The following SMYD3 variants were observed in gnomAD, a reference collection of about 807,000 sequenced individuals.
SMYD3 encodes SET and MYND domain containing 3.
Under a neutral mutation model 57.7 loss-of-function variants are expected in SMYD3, and 36 were observed. The observed-to-expected ratio is 0.62, with a 90% CI of 0.48 to 0.82. SMYD3 has a LOEUF of 0.82. Ranked by LOEUF, SMYD3 falls within the 40% of genes least tolerant of loss-of-function variation. SMYD3 has a pLI of 0.00. For missense variants in SMYD3, 515 were observed against 538.8 expected, an observed-to-expected ratio of 0.96 and a Z score of 0.44; for synonymous variants, 211 against 195.0, an observed-to-expected ratio of 1.08 and a Z score of -0.68.
chr1:246,083,512 C>CACGGGTCCTCCGTATGCTGA (rs2060676541), intron 5 of SMYD3, among the ~76,000 whole-genome samples: 1 of 150,122 alleles, frequency 6.7e-6, no homozygotes, highest in African/African-American at 2.5e-5. Context: ...CTGGTGCCGG[C>CACGGGTCCTCCGTATGCTGA]GCGGGTCCCC....
intron 1 of SMYD3, among the ~76,000 whole-genome samples, chr1:246,372,398 CAG>C (rs1199991902): frequency 2.6e-5 from 4 of 152,136 alleles, no homozygotes; most frequent in Non-Finnish European, 5.9e-5. Flanking sequence ...CTGTAGCAGC[CAG>C]AGAGTTTAAG....
intron 5 of SMYD3, among the ~76,000 whole-genome samples, chr1:246,233,342 G>A (rs77077203): frequency 0.024 from 1,711 of 71,200 alleles, 205 homozygotes; most frequent in African/African-American, 0.045. Flanking sequence ...GAGGAGAAGC[G>A]CTCCCCAATT....
chr1:245,959,590 G>A (rs1373824982), intron 5 of SMYD3, among the ~76,000 whole-genome samples: 1 of 152,172 alleles, frequency 6.6e-6, no homozygotes, highest in Non-Finnish European at 1.5e-5. Context: ...GCCTTCCAGT[G>A]CTAAGAGAAT....
intron 1 of SMYD3, among the ~76,000 whole-genome samples, chr1:246,452,826 C>A (rs903715189): frequency 1.3e-5 from 2 of 152,146 alleles, no homozygotes; most frequent in Non-Finnish European, 2.9e-5. Context: ...CATTTCATAT[C>A]AGTCTATAAC....
At chr1:246,191,918 C>T (rs886499107) in intron 5 of SMYD3, among the ~76,000 whole-genome samples, 2 of 152,172 alleles carry the variant, frequency 1.3e-5, no homozygotes, top group Non-Finnish European at 2.9e-5. Context: ...CTTCAGCAAT[C>T]GGTTATTCTG....
chr1:246,433,324 A>T (rs1167628666), intron 1 of SMYD3, among the ~76,000 whole-genome samples: 1 of 152,228 alleles, frequency 6.6e-6, no homozygotes, highest in African/African-American at 2.4e-5. Context: ...TGTCACAAAC[A>T]AGTGGAAAAA....
Position 246,015,927 on chromosome 1 carries a change from C to G in SMYD3, c.532-85990G>C, listed in dbSNP as rs2059369168. ...GGGGGGTGTATACCTAGAAAGAGAA[C>G]TGCTGGATCATATAATAATTTTATT... On this transcript the variant is annotated intron_variant, in intron 5 of 11. Transcript: ENST00000490107. Among the ~76,000 whole-genome samples, 5 of 152,244 alleles carry G rather than the reference C, an allele frequency of 3.3e-5. No homozygotes were observed. The South Asian group carries it at 1.0e-3, about 32-fold the overall frequency.
intron 11 of SMYD3, among the ~76,000 whole-genome samples, chr1:245,750,213 G>C (rs1422570533): frequency 6.6e-6 from 1 of 151,970 alleles, no homozygotes; most frequent in African/African-American, 2.4e-5. Flanking sequence ...AAATCTGTGT[G>C]GGCTTATGAG....
intron 1 of SMYD3, among the ~76,000 whole-genome samples, chr1:246,411,587 A>G (rs2066969888): frequency 6.6e-6 from 1 of 152,188 alleles, no homozygotes. Flanking sequence ...AATGTCCAAC[A>G]ATGATAGACT....
intron 1 of SMYD3, among the ~76,000 whole-genome samples, chr1:246,500,097 G>C (rs918288144): frequency 6.6e-6 from 1 of 152,102 alleles, no homozygotes; most frequent in African/African-American, 2.4e-5. Flanking sequence ...GCTGCTCCTT[G>C]GGAAACTGGT....
intron 5 of SMYD3, among the ~76,000 whole-genome samples, chr1:246,297,569 G>A (rs1317497624): frequency 6.6e-6 from 1 of 152,112 alleles, no homozygotes; most frequent in East Asian, 1.9e-4. Flanking sequence ...AAAAGGACAA[G>A]AGCATTTGTT....
At chr1:246,059,233 A>G (rs1360075415) in intron 5 of SMYD3, among the ~76,000 whole-genome samples, 1 of 152,094 alleles carries the variant, frequency 6.6e-6, no homozygotes. Context: ...TAAACGAGGG[A>G]GGCAATAGAT....
intron 5 of SMYD3, among the ~76,000 whole-genome samples, chr1:246,262,010 C>G (rs55972545): frequency 0.21 from 31,588 of 150,690 alleles, 3,994 homozygotes; most frequent in East Asian, 0.59. Context: ...CAAAGTTTCT[C>G]TGACATCATT....
intron 11 of SMYD3, among the ~76,000 whole-genome samples, chr1:245,759,336 A>G (rs2045744787): frequency 6.6e-6 from 1 of 152,112 alleles, no homozygotes; most frequent in Non-Finnish European, 1.5e-5. Context: ...CCACACGGTA[A>G]CGTATGATGT....
intron 5 of SMYD3, among the ~76,000 whole-genome samples, chr1:245,998,920 C>T (rs1415252826): frequency 2.6e-5 from 4 of 152,092 alleles, no homozygotes; most frequent in Non-Finnish European, 5.9e-5. Flanking sequence ...TGTGTGATTC[C>T]ACTTACGAGA....
chr1:246,175,585 G>A (rs550768713), intron 5 of SMYD3, among the ~76,000 whole-genome samples: 53 of 152,288 alleles, frequency 3.5e-4, no homozygotes, highest in African/African-American at 1.2e-3. Flanking sequence ...GAAGTAGTCT[G>A]TGAACTATCG....
intron 5 of SMYD3, among the ~76,000 whole-genome samples, chr1:246,147,789 G>C (rs1322630112): frequency 6.6e-6 from 1 of 152,210 alleles, no homozygotes; most frequent in Admixed American, 6.5e-5. Context: ...GCGCTCAATC[G>C]AGCAGGCAGG....
At chr1:246,008,562 T>C (rs543960929) in intron 5 of SMYD3, among the ~76,000 whole-genome samples, 1 of 152,320 alleles carries the variant, frequency 6.6e-6, no homozygotes, top group African/African-American at 2.4e-5. Context: ...TTTAAAATTT[T>C]GAAAAATAAA....
intron 5 of SMYD3, among the ~76,000 whole-genome samples, chr1:246,320,413 T>A (rs2065226969): frequency 6.6e-6 from 1 of 152,164 alleles, no homozygotes; most frequent in South Asian, 2.1e-4. Context: ...AGAGAACATC[T>A]TCTCAAACAG....
Sources: gnomAD v4.1 joint callset for allele counts (sites outside exome capture counted in the v4.1 genomes callset) on GRCh38, gnomAD v4.1.1 for gene constraint, MANE v1.5 for transcripts, NCBI Gene and HGNC (gene_info 2026-07-23, HGNC 2026-07-21) for gene names.